The following HPSE variants were observed in gnomAD, a reference collection of about 807,000 sequenced individuals.
The protein encoded by HPSE is endo-glucoronidase.
Under a neutral mutation model 65.1 loss-of-function variants are expected in HPSE, and 48 were observed. The ratio of observed to expected loss-of-function variants is 0.74; its 90% confidence interval spans 0.58 to 0.94. The LOEUF (loss-of-function observed/expected upper bound fraction) is 0.94, where lower values mean the gene tolerates loss of function less well. Among genes scored for constraint, HPSE ranks in the 40% least tolerant of loss-of-function variants. The probability of loss-of-function intolerance (pLI) is 0.00; values close to 1 mark genes in which losing one functional copy is unlikely to be tolerated. For missense variants in HPSE, 644 were observed against 637.5 expected (o/e 1.01, Z -0.11); for synonymous variants, 243 against 260.0 (o/e 0.93, Z 0.63).
chr4:83,303,980 T>A (rs1427125411), intron 9 of HPSE, among the ~76,000 whole-genome samples: 1 of 150,336 alleles, frequency 6.7e-6, no homozygotes. Context: ...CTTTAGTTCT[T>A]AGTTGGGATG....
intron 5 of HPSE, 40 bp downstream of exon 5, chr4:83,310,682 A>G: frequency 6.4e-7 from 1 of 1,563,200 alleles, no homozygotes. Flanking sequence ...AAAAGGAAAA[A>G]GAAGAAAAGT....
At chr4:83,308,173 T>G (rs1442040823) in intron 8 of HPSE, among the ~76,000 whole-genome samples, 1 of 151,754 alleles carries the variant, frequency 6.6e-6, no homozygotes, top group African/African-American at 2.4e-5. Flanking sequence ...TTTGGAAGGC[T>G]GAGGTAGGCA....
Position 83,295,143 on chromosome 4 carries a change from G to T in HPSE, c.*201C>A, listed in dbSNP as rs771616772. On this transcript the variant is annotated 3_prime_UTR_variant, in exon 12 of 12. Transcript: ENST00000311412. ...AATGCTAAGCAGTATTTGGAACAAG[G>T]TATTATTAGCTATTATTATTAGCAG... 7 of 350,748 alleles carry T rather than the reference G, an allele frequency of 2.0e-5. No individual in the cohort carries two copies. The highest frequency in any genetic ancestry group is 2.6e-5 in the Non-Finnish European group (5 of 195,874). The allele number at this position is 350,748 out of a possible 1,614,324, so 21.7% of individuals were successfully genotyped here.
In HPSE at chr4:83,326,429, G is replaced by GATATCATTTCA. The variant is rs1737159004; in HGVS notation, c.228-4066_228-4065insTGAAATGATAT. On this transcript the variant is annotated intron_variant, in intron 1 of 11. Coordinates refer to ENST00000311412, the MANE Select transcript of HPSE (RefSeq NM_001098540.3). This position sits in a 1 kb window ranked among gnomAD's most constrained non-coding sequence, Gnocchi z 4.2. ...CTCCTGGGAAGCTCCTTGGAAGATG[G>GATATCATTTCA]TAATATCATTTGCTGGATGAGGAAC... Among the ~76,000 whole-genome samples the GATATCATTTCA allele has an allele frequency of 6.6e-6, 1 of 152,160 alleles. No individual in the cohort carries two copies. The highest frequency in any genetic ancestry group is 6.5e-5 in the Admixed American group (1 of 15,274).
intron 1 of HPSE, among the ~76,000 whole-genome samples, chr4:83,329,318 G>A (rs543512954): frequency 6.6e-6 from 1 of 152,156 alleles, no homozygotes; most frequent in African/African-American, 2.4e-5. Flanking sequence ...CAGGTTTTTG[G>A]GCCACCCTGT....
At chr4:83,327,631 A>C (rs1737204162) in intron 1 of HPSE, among the ~76,000 whole-genome samples, 1 of 152,190 alleles carries the variant, frequency 6.6e-6, no homozygotes, top group South Asian at 2.1e-4. Context: ...TTTTTATTTT[A>C]CCTTTTGTAC....
chr4:83,312,894 T>C (rs1273663805), intron 4 of HPSE, among the ~76,000 whole-genome samples: 4 of 59,682 alleles, frequency 6.7e-5, no homozygotes, highest in African/African-American at 3.3e-4. Context: ...CGGTGGCGGG[T>C]GCCTGTAGTC....
chr4:83,313,037 A>AAAAAG lies in HPSE; in HGVS notation c.673+72_673+76dup, dbSNP rs1451886482. ...ACTCTGTCTCAAAAAAAAAAAAAAA[A>AAAAAG]AAAAGAAAAAGAAAAGAAAAGAAAT... On this transcript the variant is annotated intron_variant, in intron 4 of 11. Coordinates refer to ENST00000311412, the MANE Select transcript of HPSE (RefSeq NM_001098540.3). 79 of 822,180 alleles carry AAAAAG rather than the reference A, an allele frequency of 9.6e-5. 1 individual carries two copies. Among genetic ancestry groups the AAAAAG allele is most frequent in the African/African-American group, 1.5e-4 (8 of 55,004 alleles). 50.9% of individuals were successfully genotyped at this position (822,180 alleles called of 1,614,324 possible).
At chr4:83,323,473 A>T (rs1303265658) in intron 1 of HPSE, among the ~76,000 whole-genome samples, 1 of 150,066 alleles carries the variant, frequency 6.7e-6, no homozygotes, top group Non-Finnish European at 1.5e-5. Context: ...CTGTGAACCT[A>T]AAACTGCTCT....
rs899062892 is a variant in HPSE, at chr4:83,293,287, C to G, written c.*2057G>C. On this transcript the variant is annotated 3_prime_UTR_variant, in exon 12 of 12. Transcript: ENST00000311412. ...ATGAGGAGAGGTTTGCTGTGAGAAGCTCTGAAAAAGAGTTATTCAAGTCTA... is the reference window on the plus strand; with the variant it reads ...ATGAGGAGAGGTTTGCTGTGAGAAGGTCTGAAAAAGAGTTATTCAAGTCTA... The G allele has an allele frequency of 2.6e-5, 4 of 152,270 alleles. No individual in the cohort carries two copies. The highest frequency in any genetic ancestry group is 2.0e-4 in the Admixed American group (3 of 15,296). The allele number at this position is 152,270 out of a possible 1,614,324, so 9.4% of individuals were successfully genotyped here. A position where few individuals can be genotyped will look rare whatever the true frequency, so the allele number is the denominator to read the frequency against.
At chr4:83,316,774 T>C (rs184578906) in intron 3 of HPSE, among the ~76,000 whole-genome samples, 226 of 152,380 alleles carry the variant, frequency 1.5e-3, no homozygotes, top group South Asian at 6.2e-3. Flanking sequence ...TATATTCTCA[T>C]GACAAATGTT....
chr4:83,317,455 G>T (rs1032247265), intron 3 of HPSE, among the ~76,000 whole-genome samples: 1 of 152,070 alleles, frequency 6.6e-6, no homozygotes, highest in Non-Finnish European at 1.5e-5. Context: ...TGAAAATTTC[G>T]AGCCAGAAAT....
intron 1 of HPSE, among the ~76,000 whole-genome samples, chr4:83,333,737 G>C (rs761969767): frequency 6.6e-6 from 1 of 151,914 alleles, no homozygotes; most frequent in African/African-American, 2.4e-5. Context: ...ATTTTGGAGA[G>C]ACATCTTTTT....
intron 2 of HPSE, among the ~76,000 whole-genome samples, chr4:83,321,742 C>T (rs1368682144): frequency 6.6e-6 from 1 of 152,150 alleles, no homozygotes; most frequent in East Asian, 1.9e-4. Flanking sequence ...TATCAGAATC[C>T]CCTGACAAGC....
chr4:83,327,160 G>A (rs1457319663), intron 1 of HPSE, among the ~76,000 whole-genome samples: 1 of 152,178 alleles, frequency 6.6e-6, no homozygotes, highest in Non-Finnish European at 1.5e-5. Context: ...ATAAGTACTT[G>A]GCACACCGCT....
chr4:83,313,043 A>T, intron 4 of HPSE, 71 bp downstream of exon 4: 1 of 1,006,790 alleles, frequency 9.9e-7, no homozygotes, highest in Non-Finnish European at 1.4e-6. Context: ...AAAAAAAAAG[A>T]AAAAGAAAAG....
chr4:83,300,918 A>G, intron 11 of HPSE, 42 bp downstream of exon 11: 2 of 1,407,966 alleles, frequency 1.4e-6, no homozygotes, highest in Non-Finnish European at 1.9e-6. Flanking sequence ...AAACACCAAT[A>G]AATTTATTGA....
At chr4:83,331,185 CAA>C (rs990874954) in intron 1 of HPSE, among the ~76,000 whole-genome samples, 7 of 150,308 alleles carry the variant, frequency 4.7e-5, no homozygotes, top group African/African-American at 1.7e-4. Context: ...GCTTGGGTGA[CAA>C]GAGCAAAATT....
chr4:83,332,920 G>GCC (rs147205506), intron 1 of HPSE, among the ~76,000 whole-genome samples: 3 of 149,918 alleles, frequency 2.0e-5, no homozygotes, highest in East Asian at 2.0e-4. Context: ...TTCAGTAACC[G>GCC]CCCCCCCCCA....
Sources: allele counts gnomAD v4.1 joint callset (sites outside exome capture counted in the v4.1 genomes callset), GRCh38; gene constraint gnomAD v4.1.1; non-coding constraint Gnocchi (gnomAD v3.1); transcripts MANE v1.5; gene names NCBI Gene and HGNC (gene_info 2026-07-23, HGNC 2026-07-21).